Variants in TENM3 observed in about 807,000 individuals in gnomAD.
TENM3 encodes teneurin transmembrane protein 3.
In TENM3, 63 loss-of-function variants were observed where a neutral mutation model predicts 255.1. That is an observed-to-expected ratio of 0.25 (90% CI 0.20 to 0.30). TENM3 has a LOEUF of 0.30. TENM3 is among the 10% of genes least tolerant of loss of function. The pLI, the probability that TENM3 is intolerant of heterozygous loss-of-function variation, is 1.00. For missense variants in TENM3, 2,929 were observed against 3,461.1 expected (o/e 0.85, Z 3.86); for synonymous variants, 1,306 against 1,322.3 (o/e 0.99, Z 0.27).
chr4:182,223,129 A>G (rs1406015044), intron 1 of TENM3, among the ~76,000 whole-genome samples: 1 of 152,214 alleles, frequency 6.6e-6, no homozygotes, highest in Non-Finnish European at 1.5e-5. Context: ...AAACTATGGT[A>G]GGGGAAAATG....
chr4:181,630,745 G>A, the TENM3 span, among the ~76,000 whole-genome samples: 1 of 152,152 alleles, frequency 6.6e-6, no homozygotes, highest in Admixed American at 6.5e-5. Context: ...GCTGAGGAGT[G>A]CTTTACCTCC....
At chr4:181,673,807 C>T in the TENM3 span, among the ~76,000 whole-genome samples, 2 of 150,868 alleles carry the variant, frequency 1.3e-5, no homozygotes, top group Non-Finnish European at 2.9e-5. Flanking sequence ...GATTTTGATA[C>T]GAGGAGTAGT....
Position 182,346,828 on chromosome 4 carries a change from G to A in TENM3, c.410G>A (p.Arg137Lys). ...GAGCATGCCATGAGACTTTGGGGCA[G>A]GGGGGTCAAATCAGGCCGCAGCTCC... ...SPEHAMRLWG[R>K]GVKSGRSSCL... The change falls in exon 3 of 28, where the codon AGG becomes AAG. Residue 137 changes from arginine (R) to lysine (K), a missense_variant. Arg to Lys is a conservative substitution (Grantham distance 26, BLOSUM62 2). Around this residue, in one of 6 missense-constraint regions of TENM3, gnomAD observed 283 missense variants for 256.9 expected, o/e 1.10. Coordinates refer to ENST00000511685, the MANE Select transcript of TENM3 (RefSeq NM_001080477.4). The A allele has an allele frequency of 6.2e-7, 1 of 1,613,118 alleles. No homozygotes were observed. Among genetic ancestry groups the A allele is most frequent in the Non-Finnish European group, 8.5e-7 (1 of 1,179,528 alleles).
chr4:182,077,562 G>A, the TENM3 span, among the ~76,000 whole-genome samples: 10 of 152,258 alleles, frequency 6.6e-5, no homozygotes, highest in East Asian at 1.9e-3. Context: ...AAATACTGGG[G>A]CAGGTAGAGG....
At chr4:181,718,911 T>C in the TENM3 span, among the ~76,000 whole-genome samples, 2 of 152,168 alleles carry the variant, frequency 1.3e-5, no homozygotes, top group Admixed American at 1.3e-4. Context: ...AGTTCATATA[T>C]ATAAATAAAA....
intron 3 of TENM3, among the ~76,000 whole-genome samples, chr4:182,437,560 G>C (rs1035358382): frequency 6.6e-6 from 1 of 152,090 alleles, no homozygotes; most frequent in Admixed American, 6.6e-5. Context: ...ACTTTGGGAG[G>C]CCAAGTGGGC....
At chr4:181,998,592 G>C in the TENM3 span, among the ~76,000 whole-genome samples, 5 of 152,106 alleles carry the variant, frequency 3.3e-5, no homozygotes, top group African/African-American at 1.2e-4. Flanking sequence ...CTCAATTGCA[G>C]AGGTTCTAGG....
chr4:182,008,390 C>A, the TENM3 span, among the ~76,000 whole-genome samples: 3 of 152,048 alleles, frequency 2.0e-5, no homozygotes, highest in Non-Finnish European at 2.9e-5. Flanking sequence ...TAGGTTCGAT[C>A]TTTTTATGAA....
chr4:182,050,461 C>A, the TENM3 span, among the ~76,000 whole-genome samples: 2 of 152,174 alleles, frequency 1.3e-5, no homozygotes, highest in Non-Finnish European at 2.9e-5. Flanking sequence ...CAGTGACATG[C>A]TGTGAAAATT....
intron 1 of TENM3, among the ~76,000 whole-genome samples, chr4:182,230,328 G>A (rs1341350592): frequency 3.3e-5 from 5 of 152,022 alleles, no homozygotes; most frequent in Non-Finnish European, 7.4e-5. Context: ...TAGGTCAGAA[G>A]AGACCTCAGG....
intron 3 of TENM3, among the ~76,000 whole-genome samples, chr4:182,521,327 T>C (rs1441835493): frequency 6.6e-6 from 1 of 152,244 alleles, no homozygotes; most frequent in East Asian, 1.9e-4. Flanking sequence ...ATGTAGACTT[T>C]TCCTGAGGGA....
intron 5 of TENM3, among the ~76,000 whole-genome samples, chr4:182,651,797 G>T (rs1409878824): frequency 6.7e-6 from 1 of 149,574 alleles, no homozygotes; most frequent in Non-Finnish European, 1.5e-5. Flanking sequence ...ATACAGGGTA[G>T]ATGTCGCTAT....
At chr4:182,416,492 A>G (rs935600627) in intron 3 of TENM3, among the ~76,000 whole-genome samples, 18 of 150,824 alleles carry the variant, frequency 1.2e-4, no homozygotes, top group African/African-American at 4.4e-4. Flanking sequence ...GCAATTTTTC[A>G]TGATCAAGCT....
the TENM3 span, among the ~76,000 whole-genome samples, chr4:181,598,965 C>T: frequency 6.6e-6 from 1 of 152,102 alleles, no homozygotes; most frequent in Non-Finnish European, 1.5e-5. Flanking sequence ...ACTTACCTTG[C>T]CCTTTTCAAA....
the TENM3 span, among the ~76,000 whole-genome samples, chr4:181,611,539 A>G: frequency 1.3e-5 from 2 of 152,138 alleles, no homozygotes; most frequent in African/African-American, 4.8e-5. Context: ...ATAGAATGGC[A>G]CTTCAAAATG....
intron 1 of TENM3, among the ~76,000 whole-genome samples, chr4:182,209,157 G>T (rs1244886262): frequency 1.3e-5 from 2 of 150,964 alleles, no homozygotes; most frequent in Admixed American, 1.3e-4. Context: ...TAGTAGCAAC[G>T]GGGTTTCACC....
intron 3 of TENM3, among the ~76,000 whole-genome samples, chr4:182,445,200 G>A (rs1772819424): frequency 6.6e-6 from 1 of 151,812 alleles, no homozygotes; most frequent in South Asian, 2.1e-4. Context: ...ACCTGGAACT[G>A]TGTTTAGGCC....
the TENM3 span, among the ~76,000 whole-genome samples, chr4:181,921,851 G>C: frequency 6.6e-6 from 1 of 152,136 alleles, no homozygotes; most frequent in Non-Finnish European, 1.5e-5. Context: ...TGCCCATTCA[G>C]TATGATATTG....
chr4:181,799,909 C>T, the TENM3 span, among the ~76,000 whole-genome samples: 1 of 152,070 alleles, frequency 6.6e-6, no homozygotes, highest in African/African-American at 2.4e-5. Flanking sequence ...CAAAAGCCCT[C>T]GGGAGCTAGG....
Sources: gnomAD v4.1 joint callset for allele counts (sites outside exome capture counted in the v4.1 genomes callset) on GRCh38, gnomAD v4.1.1 for gene constraint, gnomAD v4.1.1 regional missense constraint, MANE v1.5 for transcripts, NCBI Gene and HGNC (gene_info 2026-07-23, HGNC 2026-07-21) for gene names.